PARP10: variants seen among roughly 807,000 people sequenced by gnomAD.
PARP10 encodes protein mono-ADP-ribosyltransferase PARP10.
A neutral mutation model predicts 82.4 loss-of-function variants in PARP10; 56 were observed. The observed-to-expected ratio is 0.68, with a 90% CI of 0.55 to 0.85. PARP10 has a LOEUF of 0.85. Among genes scored for constraint, PARP10 ranks in the 40% least tolerant of loss-of-function variants. PARP10 has a pLI of 0.00. For missense variants in PARP10, 1,227 were observed against 1,379.4 expected (o/e 0.89, Z 1.75); for synonymous variants, 576 against 601.1 (o/e 0.96, Z 0.61).
Position 143,985,757 on chromosome 8 carries a change from C to T in PARP10, c.400G>A (p.Ala134Thr), listed in dbSNP as rs782334830. 1.2e-5 allele frequency: 19 copies of T among 1,609,984 alleles called. No individual in the cohort carries two copies. Among genetic ancestry groups the T allele is most frequent in the Non-Finnish European group, 1.6e-5 (19 of 1,178,030 alleles). Residue 134 changes from alanine to threonine, a missense_variant, in exon 3 of 11, where the codon GCT becomes ACT. By Grantham distance (58) the Ala-to-Thr change is moderately conservative. Coordinates refer to ENST00000313028, the MANE Select transcript of PARP10 (RefSeq NM_032789.5). The part of the protein sequence containing the change: ...CALASPRPDR[A>T]LVQLPKPLSE... ...AGGGGCTTGGGCAACTGGACCAGAGCCCGGTCTGGCCGGGGGCTGGCCAAG... is the reference window on the plus strand; with the variant it reads ...AGGGGCTTGGGCAACTGGACCAGAGTCCGGTCTGGCCGGGGGCTGGCCAAG...
chr8:144,003,917 C>A (rs1016265685), intron 1 of PARP10, among the ~76,000 whole-genome samples: 1 of 151,912 alleles, frequency 6.6e-6, no homozygotes, highest in Non-Finnish European at 1.5e-5. Context: ...TGCCTATAGT[C>A]CTAGCTACTC....
At chr8:143,991,639 G>A, upstream of PARP10, 4 of 1,593,840 alleles carry the variant, frequency 2.5e-6, no homozygotes, top group Non-Finnish European at 3.4e-6. Context: ...GTGGCCGGGA[G>A]GGCAGGGGGA....
At position 143,984,395 on chromosome 8, in the gene PARP10, C is replaced by T. The variant is rs777184990; in HGVS notation, c.1495G>A (p.Glu499Lys). Residue 499 changes from glutamate (E) to lysine (K), a missense_variant, in exon 6 of 11, where the codon GAG becomes AAG. Transcript: ENST00000313028. ...GAQASCQAAEEFLRSLLGSIS... is the reference protein window; with the variant it reads ...GAQASCQAAEKFLRSLLGSIS... ...CTGCCCAGCAGGCTCCGCAGAAACT[C>T]CTCAGCCGCCTGGCAGGAAGCCTGG... 3 of 1,611,648 alleles carry T rather than the reference C, an allele frequency of 1.9e-6. No homozygotes were observed. The African/African-American group carries it at 4.0e-5, about 22-fold the overall frequency.
In PARP10 at chr8:143,985,842, C is replaced by T; in HGVS notation, c.315G>A (p.Leu105=). ...GCAGCAAGGCCTGGACATGCTGCTCCAAGCGCTGGGGCGTGGTGCCAGGGG... is the reference window on the plus strand; with the variant it reads ...GCAGCAAGGCCTGGACATGCTGCTCTAAGCGCTGGGGCGTGGTGCCAGGGG... ...GLPPGTTPQR[L]EQHVQALLRA... The change falls in exon 3 of 11, where the codon TTG becomes TTA. Residue 105 remains leucine, a synonymous_variant. Coordinates refer to ENST00000313028, the MANE Select transcript of PARP10 (RefSeq NM_032789.5). 1 of 1,610,776 alleles carries T rather than the reference C, an allele frequency of 6.2e-7. No individual in the cohort carries two copies.
intron 9 of PARP10, among the ~76,000 whole-genome samples, chr8:143,982,165 A>T (rs531701082): frequency 6.6e-6 from 1 of 152,162 alleles, no homozygotes; most frequent in Non-Finnish European, 1.5e-5. Context: ...TTGGGCATCA[A>T]GAGTTGAGAG....
rs2133083919 is a variant in PARP10, at chr8:144,008,961, C to T, written c.-80+3569G>A. On this transcript the variant is annotated intron_variant, in intron 1 of 3. Transcript: ENST00000530478. The surrounding 1 kb of genome is among the most constrained non-coding windows in gnomAD (Gnocchi z 4.0). ...CAAAGAAAGGAGCAGGAGGCTGCAG[C>T]TTAACATTCTGGGGGACCCTGGGGG... 6.6e-6 allele frequency among the ~76,000 whole-genome samples: 1 copy of T among 152,304 alleles called. No homozygotes were observed. The highest frequency in any genetic ancestry group is 1.9e-4 in the East Asian group (1 of 5,190).
upstream of PARP10, chr8:143,992,496 T>C (rs1361484985): frequency 6.2e-7 from 1 of 1,614,052 alleles, no homozygotes; most frequent in Non-Finnish European, 8.5e-7. Flanking sequence ...TGCATGGGCG[T>C]GCTCCTGGTG....
At chr8:143,994,132 C>T (rs991734110), upstream of PARP10, among the ~76,000 whole-genome samples, 1 of 152,212 alleles carries the variant, frequency 6.6e-6, no homozygotes, top group Admixed American at 6.5e-5. Flanking sequence ...ACTGCAGCCT[C>T]GAGGCTCTGC....
intron 9 of PARP10, among the ~76,000 whole-genome samples, chr8:143,979,233 A>G (rs1350302183): frequency 6.6e-6 from 1 of 152,088 alleles, no homozygotes; most frequent in Non-Finnish European, 1.5e-5. Flanking sequence ...TCAGCCTCCC[A>G]AAGTGCTGGG....
intron 9 of PARP10, among the ~76,000 whole-genome samples, 159 bp downstream of exon 9, chr8:143,982,773 G>A (rs1833891942): frequency 6.6e-6 from 1 of 152,218 alleles, no homozygotes; most frequent in African/African-American, 2.4e-5. Context: ...TACCCACTTT[G>A]GGAACGCCCT....
chr8:144,004,337 C>T lies in PARP10; in HGVS notation c.-80+8193G>A, dbSNP rs1335680118. Among the ~76,000 whole-genome samples the T allele has an allele frequency of 1.3e-5, 2 of 152,032 alleles. 1 individual carries two copies. The highest frequency in any genetic ancestry group is 3.9e-4 in the East Asian group (2 of 5,172). ...AGTAGAATGGTGGGGGCCAGGACTG[C>T]GGGGAGGGGAAAGCAGGAGTTATTG... On this transcript the variant is annotated intron_variant, in intron 1 of 3. Coordinates refer to the PARP10 transcript ENST00000530478.
chr8:144,010,413 C>T (rs538378491), intron 1 of PARP10, among the ~76,000 whole-genome samples: 2 of 152,168 alleles, frequency 1.3e-5, no homozygotes, highest in African/African-American at 2.4e-5. Context: ...GTGCATCAGC[C>T]GGAGTTCTTT....
upstream of PARP10, chr8:143,991,269 C>G: frequency 6.5e-7 from 1 of 1,538,052 alleles, no homozygotes; most frequent in South Asian, 1.2e-5. Flanking sequence ...CAACTATCCT[C>G]CCCCCAACCC....
At chr8:143,979,502 C>A (rs1361140909) in intron 9 of PARP10, among the ~76,000 whole-genome samples, 1 of 152,186 alleles carries the variant, frequency 6.6e-6, no homozygotes, top group African/African-American at 2.4e-5. Flanking sequence ...TCCAGCCAAA[C>A]TAGTAATGAA....
intron 1 of PARP10, among the ~76,000 whole-genome samples, chr8:143,999,467 G>T (rs1051026580): frequency 7.2e-5 from 11 of 152,084 alleles, no homozygotes; most frequent in African/African-American, 2.2e-4. Context: ...GCCTCCCAAA[G>T]TGTTGGGATT....
chr8:144,005,233 C>T (rs1295575372), intron 1 of PARP10, among the ~76,000 whole-genome samples: 1 of 151,040 alleles, frequency 6.6e-6, no homozygotes, highest in Non-Finnish European at 1.5e-5. Flanking sequence ...GGGGAGGGAC[C>T]AGCATCCACC....
In PARP10 at chr8:143,983,456, C is replaced by T. The variant is rs1554748238; in HGVS notation, c.2133G>A (p.Val711=). The change falls in exon 8 of 11, where the codon GTG becomes GTA. Residue 711 remains valine (V), a synonymous_variant. Coordinates refer to ENST00000313028, the MANE Select transcript of PARP10 (RefSeq NM_032789.5). The part of the protein sequence containing the change: ...GGTDGKAQLV[V]HSAFEQDVEE... ...CCACATCCTGCTCAAAGGCCGAGTG[C>T]ACCACCAGCTGGGCCTTGCCATCAG... 2 of 1,606,302 alleles carry T rather than the reference C, an allele frequency of 1.2e-6. No homozygotes were observed. Among genetic ancestry groups the T allele is most frequent in the African/African-American group, 1.3e-5 (1 of 74,880 alleles).
chr8:143,992,046 C>T (rs371561711), upstream of PARP10: 10 of 1,613,820 alleles, frequency 6.2e-6, no homozygotes, highest in African/African-American at 6.7e-5. Context: ...TGGGGACTTC[C>T]GGCGAAAGCA....
rs371928553 is a variant in PARP10, at chr8:143,986,241, G to A, written c.3-8C>T. The A allele has an allele frequency of 1.9e-5, 31 of 1,613,700 alleles. No homozygotes were observed. The highest frequency in any genetic ancestry group is 6.7e-5 in the East Asian group (3 of 44,884). ...GCCTCCGCCATTGCAACCCTGGGACGGGGCATCAGGTGGGTAGGGAAACAG... is the reference window on the plus strand; with the variant it reads ...GCCTCCGCCATTGCAACCCTGGGACAGGGCATCAGGTGGGTAGGGAAACAG... On this transcript the variant is annotated splice_region_variant and splice_polypyrimidine_tract_variant and intron_variant, in intron 1 of 10. Transcript: ENST00000313028.
Sources: allele counts gnomAD v4.1 joint callset (sites outside exome capture counted in the v4.1 genomes callset), GRCh38; gene constraint gnomAD v4.1.1; non-coding constraint Gnocchi (gnomAD v3.1); transcripts MANE v1.5; gene names NCBI Gene and HGNC (gene_info 2026-07-23, HGNC 2026-07-21).